Variants in BAZ2B observed in about 807,000 individuals in gnomAD.
BAZ2B encodes the protein bromodomain adjacent to zinc finger domain 2B.
Under a neutral mutation model 246.0 loss-of-function variants are expected in BAZ2B, and 91 were observed. That is an observed-to-expected ratio of 0.37 (90% CI 0.31 to 0.44). The LOEUF is 0.44. BAZ2B is among the 20% of genes least tolerant of loss of function. The pLI is 1.00. For missense variants in BAZ2B, 2,332 were observed against 2,533.7 expected, an observed-to-expected ratio of 0.92 and a Z score of 1.71; for synonymous variants, 855 against 860.0, an observed-to-expected ratio of 0.99 and a Z score of 0.10.
chr2:159,652,786 T>A, the BAZ2B span, among the ~76,000 whole-genome samples: 3 of 151,584 alleles, frequency 2.0e-5, no homozygotes, highest in South Asian at 4.2e-4. Context: ...CCTGGCTAAT[T>A]TTTTTGGTTT....
rs74740637 is a variant in BAZ2B at position 159,488,797 on chromosome 2, G to C, written c.-2-10076C>G. ...CAACAATGAAATGAGCTATTTTACA[G>C]AGGTAAAATCTATCCTTGATGATAC... On this transcript the variant is annotated intron_variant, in intron 2 of 36. Transcript: ENST00000392783. Among the ~76,000 whole-genome samples, 557 of 152,166 alleles carry C rather than the reference G, an allele frequency of 3.7e-3. 3 individuals are homozygous for C. The East Asian group carries it at 0.038, about 10-fold the overall frequency.
intron 3 of BAZ2B, chr2:159,462,525 T>C (rs1266105014): frequency 4.2e-6 from 4 of 960,442 alleles, no homozygotes; most frequent in Non-Finnish European, 6.8e-6. Flanking sequence ...CAGTTTTCAC[T>C]AATTGCTGTC....
At chr2:159,558,717 G>GA (rs1468693832) in intron 1 of BAZ2B, among the ~76,000 whole-genome samples, 1 of 152,162 alleles carries the variant, frequency 6.6e-6, no homozygotes, top group Non-Finnish European at 1.5e-5. Context: ...GGGCCCATGG[G>GA]AAATAAGAGA....
intron 14 of BAZ2B, among the ~76,000 whole-genome samples, chr2:159,409,485 C>G (rs2066487031): frequency 6.6e-6 from 1 of 152,128 alleles, no homozygotes. Context: ...TACCTATATT[C>G]TGAGAAATTA....
chr2:159,578,816 C>A (rs1292502993), intron 1 of BAZ2B, among the ~76,000 whole-genome samples: 9 of 152,076 alleles, frequency 5.9e-5, no homozygotes, highest in African/African-American at 1.4e-4. Context: ...ACCTGCTCCT[C>A]AATGACTACT....
the BAZ2B span, among the ~76,000 whole-genome samples, chr2:159,708,720 A>G: frequency 6.6e-6 from 1 of 151,966 alleles, no homozygotes; most frequent in African/African-American, 2.4e-5. Flanking sequence ...GATTATAGGC[A>G]TGCACCAATG....
chr2:159,433,199 A>C lies in BAZ2B; in HGVS notation c.1458T>G (p.Asn486Lys). The C allele has an allele frequency of 6.2e-7, 1 of 1,614,192 alleles. No individual in the cohort carries two copies. The change falls in exon 9 of 37, where the codon AAT (asparagine) becomes AAG (lysine). Residue 486 changes from asparagine (N) to lysine (K), a missense_variant. Asn to Lys is a moderately conservative substitution (Grantham distance 94). Transcript: ENST00000392783. The stretch of plus-strand genomic sequence containing the variant: ...TTGGTTGGTGATTACCTAAAAGTGC[A>C]TTTGTCAAGAATGGATTTGGGTGGT... ...ENNHPNPFLT[N>K]ALLGNHQPNG...
At chr2:159,594,198 G>A (rs1690070424) in intron 1 of BAZ2B, among the ~76,000 whole-genome samples, 1 of 152,062 alleles carries the variant, frequency 6.6e-6, no homozygotes, top group Non-Finnish European at 1.5e-5. Flanking sequence ...TGTGGTCAGG[G>A]GATCGAGACC....
chr2:159,645,379 C>T, the BAZ2B span, among the ~76,000 whole-genome samples: 1 of 151,922 alleles, frequency 6.6e-6, no homozygotes, highest in Admixed American at 6.6e-5. Context: ...TCGTGGAAGA[C>T]AATTTTCCCA....
chr2:159,329,976 C>T (rs1558967755), intron 34 of BAZ2B, among the ~76,000 whole-genome samples: 1 of 152,078 alleles, frequency 6.6e-6, no homozygotes, highest in African/African-American at 2.4e-5. Context: ...CTTTCTATAA[C>T]TTAAGTTATG....
intron 36 of BAZ2B, 33 bp downstream of exon 36, chr2:159,324,778 T>C (rs746812816): frequency 7.1e-7 from 1 of 1,411,188 alleles, no homozygotes; most frequent in Non-Finnish European, 9.4e-7. Context: ...AGGTATTCAA[T>C]AAATATTTAG....
chr2:159,666,885 C>G, the BAZ2B span, among the ~76,000 whole-genome samples: 2 of 151,678 alleles, frequency 1.3e-5, no homozygotes, highest in African/African-American at 2.4e-5. Context: ...AAACAAAACA[C>G]ACATGGACAC....
chr2:159,679,348 A>G, the BAZ2B span, among the ~76,000 whole-genome samples: 2 of 151,704 alleles, frequency 1.3e-5, no homozygotes, highest in South Asian at 2.1e-4. Flanking sequence ...TAAAGGTGAC[A>G]TGCTTTTTTA....
intron 3 of BAZ2B, among the ~76,000 whole-genome samples, 172 bp downstream of exon 3, chr2:159,478,403 G>C (rs2078865842): frequency 6.6e-6 from 1 of 152,112 alleles, no homozygotes; most frequent in African/African-American, 2.4e-5. Flanking sequence ...AGAATAACCA[G>C]TGCTATCCCA....
chr2:159,482,032 A>G (rs1298905503), intron 2 of BAZ2B, among the ~76,000 whole-genome samples: 1 of 152,064 alleles, frequency 6.6e-6, no homozygotes, highest in African/African-American at 2.4e-5. Flanking sequence ...CTCTGGTTAT[A>G]CAACTTATTA....
the BAZ2B span, among the ~76,000 whole-genome samples, chr2:159,700,447 T>C: frequency 6.6e-6 from 1 of 152,114 alleles, no homozygotes; most frequent in East Asian, 1.9e-4. Flanking sequence ...ATTCTTTTGT[T>C]TGTTTGTTTG....
intron 16 of BAZ2B, among the ~76,000 whole-genome samples, chr2:159,402,636 C>A (rs1157612780): frequency 6.6e-6 from 1 of 152,114 alleles, no homozygotes; most frequent in Non-Finnish European, 1.5e-5. Context: ...TCAATTATAA[C>A]ATTATAAGGT....
the BAZ2B span, among the ~76,000 whole-genome samples, chr2:159,673,205 T>G: frequency 2.0e-5 from 3 of 152,022 alleles, no homozygotes; most frequent in African/African-American, 7.2e-5. Context: ...GCAAAAAAAT[T>G]TAAACAGATG....
chr2:159,577,394 A>C (rs1685607792), intron 1 of BAZ2B, among the ~76,000 whole-genome samples: 2 of 152,256 alleles, frequency 1.3e-5, no homozygotes, highest in Admixed American at 1.3e-4. Context: ...GTAGAATTTT[A>C]AGTGACTTAA....
Sources: allele counts gnomAD v4.1 joint callset (sites outside exome capture counted in the v4.1 genomes callset), GRCh38; gene constraint gnomAD v4.1.1; transcripts MANE v1.5; gene names NCBI Gene and HGNC (gene_info 2026-07-23, HGNC 2026-07-21).